The following BCAS3 variants were observed in gnomAD, a reference collection of about 807,000 sequenced individuals.
The protein encoded by BCAS3 is BCAS4/BCAS3 fusion.
Under a neutral mutation model 116.1 loss-of-function variants are expected in BCAS3, and 53 were observed. That is an observed-to-expected ratio of 0.46 (90% confidence interval 0.37 to 0.57). BCAS3 has a LOEUF of 0.57. BCAS3 is among the 20% of genes least tolerant of loss of function. BCAS3 has a pLI of 0.00. For missense variants in BCAS3, 917 were observed against 1,165.4 expected (o/e 0.79, Z 3.10); for synonymous variants, 391 against 408.2 (o/e 0.96, Z 0.51).
rs542505668 is a variant in BCAS3, at chr17:61,387,188, C to G, written c.2594-4789C>G. On this transcript the variant is annotated intron_variant, in intron 23 of 23. Transcript: ENST00000407086. The surrounding 1 kb of genome is among the most constrained non-coding windows in gnomAD (Gnocchi z 6.2). ...CACCCCTCCCGGGGAGTCTGCTGCC[C>G]GTCAACTCACAGCCTGGCAAAGGGG... 6.6e-6 allele frequency among the ~76,000 whole-genome samples: 1 copy of G among 152,194 alleles called. No homozygotes were observed. Among genetic ancestry groups the G allele is most frequent in the Non-Finnish European group, 1.5e-5 (1 of 68,044 alleles).
At chr17:61,389,047 G>A (rs2059998996) in intron 23 of BCAS3, 1 of 299,280 alleles carries the variant, frequency 3.3e-6, no homozygotes. Context: ...GGCCACTAGG[G>A]ATACAGAGTT....
intron 14 of BCAS3, among the ~76,000 whole-genome samples, chr17:60,976,440 TA>T (rs780308387): frequency 4.3e-4 from 59 of 138,798 alleles, no homozygotes; most frequent in East Asian, 2.9e-3. Flanking sequence ...TATATATATA[TA>T]TTTTTTTTTT....
rs79168768 is a variant in BCAS3, at chr17:61,072,695, G to A, written c.2030-2225G>A. On this transcript the variant is annotated intron_variant, in intron 19 of 23. Coordinates refer to ENST00000407086, the MANE Select transcript of BCAS3 (RefSeq NM_017679.5). ...TATTACCAAAAAAAAAAAAAAAAAA[G>A]AAGAAAGGAAAAGCCCACAGTAATC... Among the ~76,000 whole-genome samples the A allele has an allele frequency of 2.1e-3, 268 of 125,212 alleles. 1 individual carries two copies. The highest frequency in any genetic ancestry group is 5.9e-3 in the African/African-American group (193 of 32,936). 82.1% of individuals were successfully genotyped at this position (125,212 alleles called of 152,430 possible). A position where few individuals can be genotyped will look rare whatever the true frequency, so the allele number is the denominator to read the frequency against.
At position 60,759,602 on chromosome 17, in the gene BCAS3, T is replaced by C. The variant is rs911237278; in HGVS notation, c.403+12323T>C. Among the ~76,000 whole-genome samples, 3 of 150,426 alleles carry C rather than the reference T, an allele frequency of 2.0e-5. No homozygotes were observed. The Admixed American group carries it at 2.0e-4, about 10-fold the overall frequency. On this transcript the variant is annotated intron_variant, in intron 6 of 23. Coordinates refer to ENST00000407086, the MANE Select transcript of BCAS3 (RefSeq NM_017679.5). ...GAATTGTTACATTCTCTTGCTGGATTGACTCCTTTATCATTACATAGTGAC... is the reference window on the plus strand; with the variant it reads ...GAATTGTTACATTCTCTTGCTGGATCGACTCCTTTATCATTACATAGTGAC...
intron 23 of BCAS3, chr17:61,382,932 C>T (rs1220604197): frequency 3.9e-5 from 6 of 152,458 alleles, no homozygotes; most frequent in Admixed American, 2.6e-4. Flanking sequence ...AACAGGGCAC[C>T]CCCTCTCACA....
rs1274502778 is a variant in BCAS3, at chr17:60,762,685, C to T, written c.403+15406C>T. 2.6e-5 allele frequency among the ~76,000 whole-genome samples: 4 copies of T among 152,230 alleles called. No homozygotes were observed. The East Asian group carries it at 7.7e-4, about 29-fold the overall frequency. On this transcript the variant is annotated intron_variant, in intron 6 of 23. Coordinates refer to ENST00000407086, the MANE Select transcript of BCAS3 (RefSeq NM_017679.5). ...TAGGATTGTCTTGGCAATGCGGGCT[C>T]TTTTTTGATTCCATATGAACTTTAA...
At position 61,228,037 on chromosome 17, in the gene BCAS3, T is replaced by C. The variant is rs551895572; in HGVS notation, c.2426-140290T>C. Among the ~76,000 whole-genome samples, 3 of 152,126 alleles carry C rather than the reference T, an allele frequency of 2.0e-5. No homozygotes were observed. The highest frequency in any genetic ancestry group is 4.4e-5 in the Non-Finnish European group (3 of 68,032). On this transcript the variant is annotated intron_variant, in intron 22 of 23. Transcript: ENST00000407086. The surrounding 1 kb of genome is among the most constrained non-coding windows in gnomAD (Gnocchi z 5.0). ...TCCAATTTCCAGCACAGGTTTTGCATCTGGTTTTCCTAAGAAGGCCCCTTC... is the reference window on the plus strand; with the variant it reads ...TCCAATTTCCAGCACAGGTTTTGCACCTGGTTTTCCTAAGAAGGCCCCTTC...
At chr17:61,137,695 G>A (rs2076717934) in intron 22 of BCAS3, among the ~76,000 whole-genome samples, 1 of 152,228 alleles carries the variant, frequency 6.6e-6, no homozygotes, top group South Asian at 2.1e-4. Flanking sequence ...CTTGAACCCG[G>A]AAGGCAGAGA....
chr17:60,704,777 A>C (rs2036891199), intron 4 of BCAS3, among the ~76,000 whole-genome samples: 1 of 151,632 alleles, frequency 6.6e-6, no homozygotes, highest in Non-Finnish European at 1.5e-5. Flanking sequence ...GGCAGAGGTT[A>C]CAGTTAGCTG....
At chr17:61,373,393 A>T (rs78493069) in intron 23 of BCAS3, among the ~76,000 whole-genome samples, 1,739 of 149,766 alleles carry the variant, frequency 0.012, 29 homozygotes, top group African/African-American at 0.041. Flanking sequence ...CCTGGCCCCT[A>T]TTTAAAGTAT....
chr17:61,351,890 C>G (rs2057871993), intron 22 of BCAS3, among the ~76,000 whole-genome samples: 1 of 152,218 alleles, frequency 6.6e-6, no homozygotes, highest in Non-Finnish European at 1.5e-5. Flanking sequence ...AACTGGAGAG[C>G]CATCTCCTAC....
In BCAS3 at chr17:61,332,672, A is replaced by G. The variant is rs867418107; in HGVS notation, c.2426-35655A>G. ...GCTCTGTCACCCAGGCTGGAGTGCA[A>G]TGGCATGATCTCGGCTCATAGCAGC... On this transcript the variant is annotated intron_variant, in intron 22 of 23. Transcript: ENST00000407086. This position sits in a 1 kb window ranked among gnomAD's most constrained non-coding sequence, Gnocchi z 5.4. Among the ~76,000 whole-genome samples the G allele has an allele frequency of 5.9e-5, 9 of 152,072 alleles. No individual in the cohort carries two copies. The South Asian group carries it at 1.5e-3, about 25-fold the overall frequency.
In BCAS3 at chr17:61,115,569, A is replaced by G. The variant is rs568917419; in HGVS notation, c.2425+31005A>G. On this transcript the variant is annotated intron_variant, in intron 22 of 23. Transcript: ENST00000407086. ...CCATCTCACACCAGTTAGAATGGCA[A>G]TCATTAAAAAGTCAGGAAACAGCAG... Among the ~76,000 whole-genome samples the G allele has an allele frequency of 2.0e-3, 290 of 141,742 alleles. 1 individual carries two copies. The highest frequency in any genetic ancestry group is 3.8e-3 in the African/African-American group (144 of 38,216). 93.0% of individuals were successfully genotyped at this position (141,742 alleles called of 152,430 possible).
At chr17:60,752,552 T>C (rs193158773) in intron 6 of BCAS3, among the ~76,000 whole-genome samples, 217 of 151,992 alleles carry the variant, frequency 1.4e-3, no homozygotes, top group African/African-American at 5.0e-3. Context: ...GCCTCCCGAG[T>C]AGCTGAGACT....
chr17:61,037,882 T>G lies in BCAS3; in HGVS notation c.1763-7T>G. On this transcript the variant is annotated splice_polypyrimidine_tract_variant and splice_region_variant and intron_variant, in intron 17 of 23. Coordinates refer to ENST00000407086, the MANE Select transcript of BCAS3 (RefSeq NM_017679.5). This position sits in a 1 kb window ranked among gnomAD's most constrained non-coding sequence, Gnocchi z 4.7. ...TAACACATCGGGTTCTGTTTCTCTG[T>G]TTGTAGATCAGTCCAAACAAGTTGT... is the stretch of plus-strand genomic sequence containing the variant. 6.2e-7 allele frequency: 1 copy of G among 1,612,316 alleles called. No individual in the cohort carries two copies. The highest frequency in any genetic ancestry group is 8.5e-7 in the Non-Finnish European group (1 of 1,179,094).
At chr17:61,310,243 C>A (rs571843478) in intron 22 of BCAS3, among the ~76,000 whole-genome samples, 1 of 152,148 alleles carries the variant, frequency 6.6e-6, no homozygotes, top group African/African-American at 2.4e-5. Context: ...TTTGAATAAT[C>A]TGGAAGGAGA....
intron 8 of BCAS3, among the ~76,000 whole-genome samples, chr17:60,869,631 T>C (rs2054922228): frequency 6.6e-6 from 1 of 152,136 alleles, no homozygotes; most frequent in Non-Finnish European, 1.5e-5. Context: ...AATTCAAGTA[T>C]AGAAAGATGA....
chr17:61,236,340 G>A (rs957202359), intron 22 of BCAS3, among the ~76,000 whole-genome samples: 1 of 152,124 alleles, frequency 6.6e-6, no homozygotes, highest in East Asian at 1.9e-4. Flanking sequence ...TTTGTTTTGA[G>A]ATGGAGTCTC....
At position 61,186,622 on chromosome 17, in the gene BCAS3, A is replaced by G. The variant is rs2079791710; in HGVS notation, c.2425+102058A>G. On this transcript the variant is annotated intron_variant, in intron 22 of 23. Transcript: ENST00000407086. The surrounding 1 kb of genome is among the most constrained non-coding windows in gnomAD (Gnocchi z 4.9). ...AAATTTTCAATCGGTTCAAAATTCA[A>G]AACATAAAAGGATACATAATGAAAA... Among the ~76,000 whole-genome samples, 1 of 152,216 alleles carries G rather than the reference A, an allele frequency of 6.6e-6. No homozygotes were observed. The highest frequency in any genetic ancestry group is 1.5e-5 in the Non-Finnish European group (1 of 68,044).
Sources: gnomAD v4.1 joint callset for allele counts (sites outside exome capture counted in the v4.1 genomes callset) on GRCh38, gnomAD v4.1.1 for gene constraint, Gnocchi (gnomAD v3.1) non-coding constraint, MANE v1.5 for transcripts, NCBI Gene and HGNC (gene_info 2026-07-23, HGNC 2026-07-21) for gene names.